ROBO2: variants seen among roughly 807,000 people sequenced by gnomAD.
ROBO2 encodes roundabout homolog 2.
A neutral mutation model predicts 160.8 loss-of-function variants in ROBO2; 53 were observed. The ratio of observed to expected loss-of-function variants is 0.33; its 90% CI spans 0.26 to 0.41. The LOEUF (loss-of-function observed/expected upper bound fraction) is 0.41, where lower values mean the gene tolerates loss of function less well. Among genes scored for constraint, ROBO2 ranks in the 10% least tolerant of loss-of-function variants. ROBO2 has a pLI of 1.00. For synonymous variants in ROBO2, 664 were observed against 611.7 expected, an observed-to-expected ratio of 1.09 and a Z score of -1.26; for missense variants, 1,577 against 1,722.4, an observed-to-expected ratio of 0.92 and a Z score of 1.49.
At chr3:76,440,191 A>G (rs2076861299) in intron 2 of ROBO2, among the ~76,000 whole-genome samples, 1 of 152,108 alleles carries the variant, frequency 6.6e-6, no homozygotes, top group South Asian at 2.1e-4. Flanking sequence ...TGGGGTCCAG[A>G]TGTACAACCC....
intron 2 of ROBO2, among the ~76,000 whole-genome samples, chr3:76,333,974 A>G (rs901844138): frequency 6.6e-6 from 1 of 152,132 alleles, no homozygotes; most frequent in African/African-American, 2.4e-5. Context: ...GGGGAACATC[A>G]CACACTGGGG....
chr3:77,143,348 C>A (rs2076870519), intron 2 of ROBO2, among the ~76,000 whole-genome samples: 1 of 151,742 alleles, frequency 6.6e-6, no homozygotes, highest in Non-Finnish European at 1.5e-5. Context: ...GCATGCACCA[C>A]CACACCCGGC....
intron 2 of ROBO2, among the ~76,000 whole-genome samples, chr3:77,393,925 T>A (rs2075002492): frequency 6.6e-6 from 1 of 152,184 alleles, no homozygotes; most frequent in Non-Finnish European, 1.5e-5. Context: ...GAGTTAATTG[T>A]AATATTTACA....
intron 2 of ROBO2, among the ~76,000 whole-genome samples, chr3:75,997,307 A>C (rs1266997181): frequency 5.3e-5 from 8 of 152,148 alleles, no homozygotes; most frequent in African/African-American, 1.9e-4. Flanking sequence ...AGCTAGCTAC[A>C]TTTTTGAATT....
At chr3:76,664,651 C>A (rs5011639) in intron 2 of ROBO2, among the ~76,000 whole-genome samples, 79,800 of 151,862 alleles carry the variant, frequency 0.53, 21,341 homozygotes, top group African/African-American at 0.63. Context: ...TCTACTGTAA[C>A]CTCCAGTGAA....
At chr3:76,870,691 T>C (rs2071938473) in intron 2 of ROBO2, among the ~76,000 whole-genome samples, 1 of 152,208 alleles carries the variant, frequency 6.6e-6, no homozygotes, top group Non-Finnish European at 1.5e-5. Context: ...TCCAGTTTCC[T>C]TCCCCTACAT....
intron 2 of ROBO2, among the ~76,000 whole-genome samples, chr3:76,338,431 T>C (rs772862345): frequency 2.6e-4 from 39 of 151,972 alleles, no homozygotes; most frequent in Non-Finnish European, 5.3e-4. Context: ...TATCCCAGCA[T>C]TTAGGGAGGT....
At chr3:76,773,160 A>G (rs144095241) in intron 2 of ROBO2, among the ~76,000 whole-genome samples, 34 of 151,246 alleles carry the variant, frequency 2.2e-4, no homozygotes, top group African/African-American at 7.2e-4. Context: ...TTAATCAATA[A>G]TAAAATGCAG....
chr3:76,204,086 G>C (rs1702688376), intron 2 of ROBO2, among the ~76,000 whole-genome samples: 1 of 152,088 alleles, frequency 6.6e-6, no homozygotes, highest in African/African-American at 2.4e-5. Context: ...TCTCTAAGTG[G>C]TAACTAAAAC....
At chr3:75,962,071 TG>T (rs1436007252) in intron 2 of ROBO2, among the ~76,000 whole-genome samples, 1 of 151,624 alleles carries the variant, frequency 6.6e-6, no homozygotes, top group East Asian at 2.0e-4. Context: ...ATGTATATTT[TG>T]AAATTTTGTG....
At chr3:77,466,637 C>T (rs984282070) in intron 2 of ROBO2, among the ~76,000 whole-genome samples, 2 of 152,140 alleles carry the variant, frequency 1.3e-5, no homozygotes, top group African/African-American at 2.4e-5. Context: ...TGTTGAGTTT[C>T]GGGTAGAGGG....
chr3:77,241,494 C>A (rs527291977), intron 2 of ROBO2, among the ~76,000 whole-genome samples: 2 of 152,252 alleles, frequency 1.3e-5, no homozygotes, highest in East Asian at 1.9e-4. Flanking sequence ...GTTTGTGCTC[C>A]TTAATGATAA....
intron 2 of ROBO2, among the ~76,000 whole-genome samples, chr3:76,678,705 A>G (rs769000761): frequency 6.6e-6 from 1 of 152,104 alleles, no homozygotes; most frequent in Non-Finnish European, 1.5e-5. Context: ...TGCTCCATTA[A>G]AAAAGGGGCT....
At chr3:76,832,885 A>T (rs2067209201) in intron 2 of ROBO2, among the ~76,000 whole-genome samples, 1 of 152,166 alleles carries the variant, frequency 6.6e-6, no homozygotes, top group Admixed American at 6.6e-5. Flanking sequence ...GAAGTATATA[A>T]ATTGAGCATT....
At chr3:76,512,513 C>A (rs72902505) in intron 2 of ROBO2, among the ~76,000 whole-genome samples, 4,720 of 151,908 alleles carry the variant, frequency 0.031, 260 homozygotes, top group African/African-American at 0.11. Context: ...TTTTACTGTT[C>A]TGCACTTAGC....
intron 2 of ROBO2, among the ~76,000 whole-genome samples, chr3:77,218,819 A>G (rs1007502084): frequency 6.6e-6 from 1 of 152,224 alleles, no homozygotes; most frequent in Non-Finnish European, 1.5e-5. Flanking sequence ...GAAGTGCTAC[A>G]GTATCAAGAG....
At chr3:77,042,278 T>G (rs917048605) in intron 1 of ROBO2, among the ~76,000 whole-genome samples, 5 of 152,208 alleles carry the variant, frequency 3.3e-5, no homozygotes, top group Non-Finnish European at 7.3e-5. Flanking sequence ...TTCATGCATT[T>G]ATTTTTCAGT....
chr3:77,642,022 TTATTAA>T (rs1345421678), intron 24 of ROBO2, among the ~76,000 whole-genome samples: 1 of 152,212 alleles, frequency 6.6e-6, no homozygotes, highest in Non-Finnish European at 1.5e-5. Flanking sequence ...TGGTTATTAC[TTATTAA>T]AATTAATACA....
chr3:76,008,246 AAAAAAAAAGAAAAG>A (rs1459258701), intron 2 of ROBO2, among the ~76,000 whole-genome samples: 2 of 151,522 alleles, frequency 1.3e-5, no homozygotes, highest in African/African-American at 4.8e-5. Context: ...AAAAAAAAAA[AAAAAAAAAGAAAAG>A]AAAAAAAAAT....
Sources: gnomAD v4.1 joint callset for allele counts (sites outside exome capture counted in the v4.1 genomes callset) on GRCh38, gnomAD v4.1.1 for gene constraint, MANE v1.5 for transcripts, NCBI Gene and HGNC (gene_info 2026-07-23, HGNC 2026-07-21) for gene names.